Variants in GPHN observed in about 807,000 individuals in gnomAD.
The protein encoded by GPHN is gephyrin.
GPHN carries 17 observed loss-of-function variants against 95.5 expected under a neutral mutation model. The ratio of observed to expected loss-of-function variants is 0.18; its 90% CI spans 0.12 to 0.27. GPHN has a LOEUF of 0.27. Among genes scored for constraint, GPHN ranks in the 10% least tolerant of loss-of-function variants. The pLI is 1.00. For missense variants in GPHN, 660 were observed against 978.1 expected (o/e 0.67, Z 4.34); for synonymous variants, 320 against 322.5 (o/e 0.99, Z 0.08).
intron 10 of GPHN, among the ~76,000 whole-genome samples, chr14:67,046,076 A>AT (rs113141176): frequency 8.6e-5 from 13 of 150,720 alleles, no homozygotes; most frequent in East Asian, 5.8e-4. Flanking sequence ...TTCTATCTCG[A>AT]TTTTTTTTTA....
the GPHN span, chr14:67,650,422 C>T: frequency 2.6e-6 from 1 of 387,674 alleles, no homozygotes; most frequent in Non-Finnish European, 4.7e-6. Context: ...CAACACCAAG[C>T]CTTTTCCTTT....
At chr14:67,579,885 C>G in the GPHN span, 1 of 1,588,722 alleles carries the variant, frequency 6.3e-7, no homozygotes, top group South Asian at 1.1e-5. Context: ...AGGTGACAGC[C>G]TCCCACTAAG....
At chr14:66,564,211 A>G (rs1416475220) in intron 1 of GPHN, among the ~76,000 whole-genome samples, 2 of 152,142 alleles carry the variant, frequency 1.3e-5, no homozygotes, top group African/African-American at 4.8e-5. Context: ...GACTAGTAAA[A>G]TGTATTTAAA....
At chr14:67,121,900 A>G (rs2079030467) in intron 16 of GPHN, among the ~76,000 whole-genome samples, 2 of 152,196 alleles carry the variant, frequency 1.3e-5, no homozygotes, top group Non-Finnish European at 2.9e-5. Flanking sequence ...AATATTCCCA[A>G]TGGAAGACAA....
At chr14:67,473,221 TCCACACCCCATCCCCCAACACCTGA>T in the GPHN span, 1 of 690,720 alleles carries the variant, frequency 1.4e-6, no homozygotes, top group Non-Finnish European at 2.4e-6. The surrounding 1 kb of genome is among the most constrained non-coding windows in gnomAD (Gnocchi z 6.5). Flanking sequence ...CTCTGCTGCC[TCCACACCCCATCCCCCAACACCTGA>T]CCACGGCCCC....
At chr14:66,837,403 A>G (rs1298042135) in intron 4 of GPHN, among the ~76,000 whole-genome samples, 1 of 128,292 alleles carries the variant, frequency 7.8e-6, no homozygotes, top group Non-Finnish European at 1.6e-5. Context: ...ATGAGATCAC[A>G]TGGACACAGG....
the GPHN span, among the ~76,000 whole-genome samples, chr14:67,210,216 G>A: frequency 6.6e-6 from 1 of 152,180 alleles, no homozygotes; most frequent in South Asian, 2.1e-4. Flanking sequence ...CTGGAAAAAT[G>A]GCTAACCAGG....
the GPHN span, among the ~76,000 whole-genome samples, chr14:67,539,601 G>GGCT: frequency 6.6e-6 from 1 of 152,182 alleles, no homozygotes; most frequent in African/African-American, 2.4e-5. Flanking sequence ...CTTGTGCTAA[G>GGCT]GCTTCTGAAA....
At chr14:67,187,227 T>G in the GPHN span, among the ~76,000 whole-genome samples, 1 of 152,118 alleles carries the variant, frequency 6.6e-6, no homozygotes, top group East Asian at 1.9e-4. Flanking sequence ...AAAAAATCAT[T>G]TACTAAACAG....
chr14:66,698,593 G>A (rs7161029), intron 2 of GPHN, among the ~76,000 whole-genome samples: 38,395 of 152,076 alleles, frequency 0.25, 9,762 homozygotes, highest in African/African-American at 0.62. Flanking sequence ...AATGATACAT[G>A]AAAATTGAAG....
chr14:67,498,439 A>G, the GPHN span, among the ~76,000 whole-genome samples: 1 of 152,356 alleles, frequency 6.6e-6, no homozygotes, highest in Non-Finnish European at 1.5e-5. Context: ...TATTATAACT[A>G]ACTTTCCCTT....
chr14:66,930,948 T>C (rs1336004804), intron 8 of GPHN, among the ~76,000 whole-genome samples: 1 of 152,228 alleles, frequency 6.6e-6, no homozygotes, highest in African/African-American at 2.4e-5. Flanking sequence ...ACCAGAGAGT[T>C]TGGGGCCTTC....
intron 1 of GPHN, among the ~76,000 whole-genome samples, chr14:66,566,862 C>T (rs2060481402): frequency 6.6e-6 from 1 of 152,122 alleles, no homozygotes; most frequent in African/African-American, 2.4e-5. Flanking sequence ...AGAGAGTTAG[C>T]TTCTTTAGAG....
intron 4 of GPHN, among the ~76,000 whole-genome samples, chr14:66,854,086 GA>G (rs1240389037): frequency 6.6e-6 from 1 of 152,180 alleles, no homozygotes; most frequent in East Asian, 1.9e-4. Context: ...AAGTGAGAAA[GA>G]ATTAAAAGTA....
chr14:66,750,450 G>A (rs2058324720), intron 2 of GPHN, among the ~76,000 whole-genome samples: 1 of 151,830 alleles, frequency 6.6e-6, no homozygotes, highest in Non-Finnish European at 1.5e-5. Flanking sequence ...GAAAGGACCA[G>A]GACACCAGTA....
chr14:67,392,664 A>G, the GPHN span: 2 of 1,608,784 alleles, frequency 1.2e-6, no homozygotes, highest in African/African-American at 2.7e-5. Context: ...CAACTTACAA[A>G]AGTGTACAGG....
At chr14:66,632,575 C>G (rs1236482012) in intron 1 of GPHN, among the ~76,000 whole-genome samples, 1 of 151,022 alleles carries the variant, frequency 6.6e-6, no homozygotes, top group Non-Finnish European at 1.5e-5. Flanking sequence ...TCACTGCAAC[C>G]TCCTCCTCCC....
chr14:67,636,873 C>A, the GPHN span, among the ~76,000 whole-genome samples: 1 of 152,198 alleles, frequency 6.6e-6, no homozygotes, highest in Non-Finnish European at 1.5e-5. Context: ...CCTACAATGT[C>A]CTCTTAGAAG....
chr14:66,967,418 C>T (rs2069416771), intron 9 of GPHN, among the ~76,000 whole-genome samples: 1 of 151,896 alleles, frequency 6.6e-6, no homozygotes. Flanking sequence ...TTTATAAGTG[C>T]TTTAATATCA....
Sources: gnomAD v4.1 joint callset for allele counts (sites outside exome capture counted in the v4.1 genomes callset) on GRCh38, gnomAD v4.1.1 for gene constraint, Gnocchi (gnomAD v3.1) non-coding constraint, MANE v1.5 for transcripts, NCBI Gene and HGNC (gene_info 2026-07-23, HGNC 2026-07-21) for gene names.